GLCE: variants seen among roughly 807,000 people sequenced by gnomAD.
GLCE encodes glucuronic acid epimerase, also known as D-glucuronyl C5-epimerase.
A neutral mutation model predicts 47.9 loss-of-function variants in GLCE; 19 were observed. The observed-to-expected ratio is 0.40, with a 90% CI of 0.28 to 0.58. The LOEUF (loss-of-function observed/expected upper bound fraction) is 0.58, where lower values mean the gene tolerates loss of function less well. GLCE is among the 20% of genes least tolerant of loss of function. The probability of loss-of-function intolerance (pLI) is 0.48; values close to 1 mark genes in which losing one functional copy is unlikely to be tolerated. For missense variants in GLCE, 556 were observed against 743.3 expected (o/e 0.75, Z 2.93); for synonymous variants, 245 against 263.4 (o/e 0.93, Z 0.68).
intron 1 of GLCE, among the ~76,000 whole-genome samples, chr15:69,164,469 T>C (rs946332240): frequency 4.0e-5 from 6 of 150,834 alleles, no homozygotes; most frequent in Admixed American, 1.3e-4. Flanking sequence ...TTATATATAA[T>C]ATATACTTTT....
At chr15:69,220,142 C>A (rs1002411076) in intron 2 of GLCE, among the ~76,000 whole-genome samples, 3 of 151,996 alleles carry the variant, frequency 2.0e-5, no homozygotes, top group Admixed American at 2.0e-4. Flanking sequence ...GGGTTGCTTG[C>A]ACATTTTGGC....
chr15:69,236,326 A>C (rs2052594121), intron 2 of GLCE, among the ~76,000 whole-genome samples: 1 of 151,680 alleles, frequency 6.6e-6, no homozygotes, highest in Non-Finnish European at 1.5e-5. Context: ...TAGATTCCTT[A>C]GTTTTAGATA....
At chr15:69,257,853 C>T (rs1023081562) in intron 3 of GLCE, among the ~76,000 whole-genome samples, 1 of 151,736 alleles carries the variant, frequency 6.6e-6, no homozygotes, top group African/African-American at 2.4e-5. Context: ...ACCTTTTTTT[C>T]AGCAGTTTTT....
At chr15:69,208,022 C>G (rs952035705) in intron 1 of GLCE, among the ~76,000 whole-genome samples, 1 of 151,764 alleles carries the variant, frequency 6.6e-6, no homozygotes, top group African/African-American at 2.4e-5. Context: ...TTTGAGTGTT[C>G]TATATATTTG....
In GLCE at chr15:69,260,251, G is replaced by GTTTTTTTTTTTTTTTTTTT. The variant is rs1566972061; in HGVS notation, c.587-836_587-835insTTTTTTTTTTTTTTTTTTT. On this transcript the variant is annotated intron_variant, in intron 3 of 4. Coordinates refer to ENST00000261858, the MANE Select transcript of GLCE (RefSeq NM_015554.3). ...TATTTTAAATTGCCAAGTCACAACT[G>GTTTTTTTTTTTTTTTTTTT]GTTTTTTTTTTTTTTTTTTTTTTTT... Among the ~76,000 whole-genome samples, 3 of 122,656 alleles carry GTTTTTTTTTTTTTTTTTTT rather than the reference G, an allele frequency of 2.4e-5. 1 individual carries two copies. Among genetic ancestry groups the GTTTTTTTTTTTTTTTTTTT allele is most frequent in the Non-Finnish European group, 1.6e-5 (1 of 60,760 alleles). 80.5% of individuals were successfully genotyped at this position (122,656 alleles called of 152,430 possible). A position where few individuals can be genotyped will look rare whatever the true frequency, so the allele number is the denominator to read the frequency against.
At chr15:69,224,097 CCATA>C (rs2052413231) in intron 2 of GLCE, among the ~76,000 whole-genome samples, 1 of 152,110 alleles carries the variant, frequency 6.6e-6, no homozygotes, top group Non-Finnish European at 1.5e-5. Context: ...TTTGAATGTG[CCATA>C]CTTTCCTGTT....
intron 1 of GLCE, among the ~76,000 whole-genome samples, chr15:69,170,228 T>G (rs866397198): frequency 8.5e-5 from 13 of 152,300 alleles, no homozygotes; most frequent in African/African-American, 2.9e-4. Flanking sequence ...TAAGTGAAGT[T>G]GAAACATTGT....
At chr15:69,175,632 C>T (rs576039766) in intron 1 of GLCE, among the ~76,000 whole-genome samples, 8 of 152,218 alleles carry the variant, frequency 5.3e-5, no homozygotes, top group Non-Finnish European at 1.0e-4. Flanking sequence ...GTACAAAATA[C>T]TTGTCATACC....
At position 69,248,973 on chromosome 15, in the gene GLCE, T is replaced by C. The variant is rs534558165; in HGVS notation, c.-13-6821T>C. The stretch of plus-strand genomic sequence containing the variant: ...CCCAGCCCTCATGGAATTTGCATTC[T>C]AGTGGATTGGGGATGAATAATTTAA... On this transcript the variant is annotated intron_variant, in intron 2 of 4. Transcript: ENST00000261858. 9.8e-5 allele frequency among the ~76,000 whole-genome samples: 15 copies of C among 152,322 alleles called. No individual in the cohort carries two copies. In the South Asian group the frequency reaches 1.2e-3, roughly 13 times the overall value.
chr15:69,214,894 T>C (rs1397213869), intron 2 of GLCE, among the ~76,000 whole-genome samples: 1 of 152,182 alleles, frequency 6.6e-6, no homozygotes, highest in Non-Finnish European at 1.5e-5. Context: ...ACAGTGTTTG[T>C]ATACAGTTAT....
chr15:69,255,955 A>C lies in GLCE; in HGVS notation c.149A>C (p.Asp50Ala). ...PRRSSSGFRV[D>A]GFEKRAAASE... ...CGTTCGAGTAGTGGCTTCAGAGTGG[A>C]TGGGTTTGAAAAAAGAGCAGCAGCA... is the stretch of plus-strand genomic sequence containing the variant. The change falls in exon 3 of 5, where the codon GAT becomes GCT. Residue 50 changes from aspartate to alanine, a missense_variant. This residue lies in a region of GLCE where 237 missense variants were observed against 310.9 expected (regional missense o/e 0.76). Coordinates refer to ENST00000261858, the MANE Select transcript of GLCE (RefSeq NM_015554.3). 6.2e-7 allele frequency: 1 copy of C among 1,614,006 alleles called. No homozygotes were observed. The highest frequency in any genetic ancestry group is 2.2e-5 in the East Asian group (1 of 44,870).
intron 1 of GLCE, among the ~76,000 whole-genome samples, chr15:69,185,904 C>T (rs2051815928): frequency 6.6e-6 from 1 of 152,130 alleles, no homozygotes; most frequent in Non-Finnish European, 1.5e-5. Flanking sequence ...CAACTGGTTT[C>T]AAGTTGGGTT....
intron 2 of GLCE, among the ~76,000 whole-genome samples, chr15:69,228,457 C>A (rs1315505041): frequency 6.6e-6 from 1 of 151,778 alleles, no homozygotes; most frequent in Non-Finnish European, 1.5e-5. Context: ...ATTAGGGTAA[C>A]CATGATTGAA....
intron 2 of GLCE, among the ~76,000 whole-genome samples, chr15:69,250,852 A>G (rs548738661): frequency 6.6e-6 from 1 of 152,130 alleles, no homozygotes; most frequent in Non-Finnish European, 1.5e-5. Context: ...TTAGAAAATA[A>G]AGACCTATAT....
intron 1 of GLCE, among the ~76,000 whole-genome samples, chr15:69,163,046 G>C (rs2051448799): frequency 6.6e-6 from 1 of 152,120 alleles, no homozygotes; most frequent in South Asian, 2.1e-4. Flanking sequence ...AATAAGTTTT[G>C]TTGTTGTTGT....
intron 1 of GLCE, among the ~76,000 whole-genome samples, chr15:69,170,782 C>T (rs2051577705): frequency 6.6e-6 from 1 of 152,192 alleles, no homozygotes; most frequent in Non-Finnish European, 1.5e-5. Context: ...TTCTGTAAGA[C>T]AAGTGGCCTT....
intron 1 of GLCE, among the ~76,000 whole-genome samples, chr15:69,202,372 T>G (rs747508429): frequency 2.0e-5 from 3 of 152,174 alleles, no homozygotes; most frequent in Non-Finnish European, 4.4e-5. Flanking sequence ...TTTTCTGAGA[T>G]AGATAGACTT....
chr15:69,180,864 TA>T (rs1230349011), intron 1 of GLCE, among the ~76,000 whole-genome samples: 4 of 152,174 alleles, frequency 2.6e-5, no homozygotes, highest in Non-Finnish European at 5.9e-5. Context: ...ATTGGACTTT[TA>T]AAGAGTCAGT....
intron 1 of GLCE, among the ~76,000 whole-genome samples, chr15:69,205,022 A>T (rs926642513): frequency 2.0e-5 from 3 of 152,138 alleles, no homozygotes; most frequent in Non-Finnish European, 4.4e-5. Context: ...TTAAATGAAC[A>T]TGCAGTAAAA....
Sources: allele counts gnomAD v4.1 joint callset (sites outside exome capture counted in the v4.1 genomes callset), GRCh38; gene constraint gnomAD v4.1.1; regional missense constraint gnomAD v4.1.1; transcripts MANE v1.5; gene names NCBI Gene and HGNC (gene_info 2026-07-23, HGNC 2026-07-21).